Variants in LUZP2 observed in about 807,000 individuals in gnomAD.
LUZP2 encodes the protein leucine zipper protein 2.
In LUZP2, 52 loss-of-function variants were observed where a neutral mutation model predicts 51.6. The ratio of observed to expected loss-of-function variants is 1.01; its 90% CI spans 0.81 to 1.27. The LOEUF (loss-of-function observed/expected upper bound fraction) is 1.27. Ranked by LOEUF, LUZP2 falls within the 50% of genes most tolerant of loss-of-function variation. The pLI is 0.00. For missense variants in LUZP2, 436 were observed against 395.4 expected, an observed-to-expected ratio of 1.10 and a Z score of -0.87; for synonymous variants, 154 against 137.3, an observed-to-expected ratio of 1.12 and a Z score of -0.85.
chr11:24,731,875 G>A (rs899880464), intron 2 of LUZP2, among the ~76,000 whole-genome samples: 1 of 151,714 alleles, frequency 6.6e-6, no homozygotes, highest in African/African-American at 2.4e-5. Context: ...GATATTTGGA[G>A]AGTAGTTTCT....
chr11:24,832,989 G>T (rs17307215), intron 5 of LUZP2, among the ~76,000 whole-genome samples: 6,793 of 152,044 alleles, frequency 0.045, 211 homozygotes, highest in Non-Finnish European at 0.069. Flanking sequence ...GGGTACTTTT[G>T]GACTAATCAC....
At chr11:24,750,221 A>C (rs936586802) in intron 4 of LUZP2, among the ~76,000 whole-genome samples, 41 of 152,152 alleles carry the variant, frequency 2.7e-4, no homozygotes, top group Non-Finnish European at 4.4e-5. Context: ...ATACTGGGGC[A>C]TTTAATGAGA....
intron 5 of LUZP2, among the ~76,000 whole-genome samples, chr11:24,872,033 G>A (rs977472032): frequency 3.9e-5 from 6 of 151,904 alleles, no homozygotes; most frequent in African/African-American, 1.5e-4. Context: ...ATTCCCCTCT[G>A]TTTTCATCCC....
chr11:24,960,609 T>C (rs901941105), intron 7 of LUZP2, among the ~76,000 whole-genome samples: 1 of 152,126 alleles, frequency 6.6e-6, no homozygotes, highest in South Asian at 2.1e-4. Flanking sequence ...TTATCATTTT[T>C]TATTGTGTCT....
intron 1 of LUZP2, among the ~76,000 whole-genome samples, chr11:24,726,205 A>G (rs1459648274): frequency 6.6e-6 from 1 of 152,176 alleles, no homozygotes; most frequent in African/African-American, 2.4e-5. Context: ...TGAAAATATA[A>G]TCAATCTCTA....
At chr11:24,956,876 C>A (rs1179491988) in intron 7 of LUZP2, among the ~76,000 whole-genome samples, 2 of 151,910 alleles carry the variant, frequency 1.3e-5, no homozygotes, top group Non-Finnish European at 2.9e-5. Context: ...TGTGGTTTTT[C>A]CATATTTGAA....
intron 7 of LUZP2, among the ~76,000 whole-genome samples, chr11:24,930,567 T>C (rs530282371): frequency 9.2e-5 from 14 of 152,244 alleles, no homozygotes; most frequent in South Asian, 2.1e-4. Context: ...CCCTCCTAGG[T>C]TGTAGGGTTT....
intron 5 of LUZP2, among the ~76,000 whole-genome samples, chr11:24,830,682 T>C (rs1850672728): frequency 6.6e-6 from 1 of 152,192 alleles, no homozygotes; most frequent in South Asian, 2.1e-4. Flanking sequence ...GTGATTTTTT[T>C]AGAATCTTGC....
chr11:24,790,496 A>G (rs901099369), intron 5 of LUZP2, among the ~76,000 whole-genome samples: 5 of 150,668 alleles, frequency 3.3e-5, no homozygotes, highest in African/African-American at 1.2e-4. Flanking sequence ...CTTTATTTTT[A>G]TTTATTTATT....
intron 9 of LUZP2, among the ~76,000 whole-genome samples, chr11:24,995,866 T>C (rs1270433582): frequency 1.3e-5 from 2 of 152,002 alleles, no homozygotes; most frequent in African/African-American, 4.8e-5. Context: ...CAATTCCAAC[T>C]CTGATAAGGG....
intron 9 of LUZP2, among the ~76,000 whole-genome samples, chr11:25,037,024 C>T (rs781388667): frequency 2.0e-5 from 3 of 151,986 alleles, no homozygotes; most frequent in Non-Finnish European, 4.4e-5. Flanking sequence ...CTTTCTGCCT[C>T]GATGATCTGT....
chr11:24,684,496 G>C (rs1024017980), intron 1 of LUZP2, among the ~76,000 whole-genome samples: 1 of 152,150 alleles, frequency 6.6e-6, no homozygotes, highest in Non-Finnish European at 1.5e-5. Context: ...TTTTGTGGCT[G>C]TGGCAGATAA....
intron 9 of LUZP2, among the ~76,000 whole-genome samples, chr11:25,025,027 G>A (rs552833918): frequency 1.3e-5 from 2 of 151,842 alleles, no homozygotes; most frequent in Admixed American, 6.6e-5. Flanking sequence ...ACAAACCTGA[G>A]AAAAACAAGC....
chr11:24,848,278 A>T (rs774300560), intron 5 of LUZP2, among the ~76,000 whole-genome samples: 11 of 152,162 alleles, frequency 7.2e-5, no homozygotes, highest in Non-Finnish European at 2.9e-5. Context: ...CTCCTTAGAG[A>T]TATTTCTAGT....
In LUZP2 at chr11:24,607,341, CTTTTTTTTTTTTTTT is replaced by C. The variant is rs57741208; in HGVS notation, c.62+110051_62+110065del. On this transcript the variant is annotated intron_variant, in intron 1 of 11. Transcript: ENST00000336930. ...GTGGTATAAGATGGGGATATTATGT[CTTTTTTTTTTTTTTT>C]TTTTTTTTTTTTTTGCTTGTGGATA... Among the ~76,000 whole-genome samples the C allele has an allele frequency of 5.7e-4, 36 of 63,416 alleles. 1 individual carries two copies. Among genetic ancestry groups the C allele is most frequent in the African/African-American group, 1.7e-3 (31 of 18,240 alleles). 41.6% of individuals were successfully genotyped at this position (63,416 alleles called of 152,430 possible).
chr11:24,736,162 T>C (rs1360475087), intron 3 of LUZP2, among the ~76,000 whole-genome samples: 2 of 151,930 alleles, frequency 1.3e-5, no homozygotes, highest in East Asian at 1.9e-4. Context: ...ATGGGGGATT[T>C]TTTTGGAAGA....
At chr11:24,588,204 T>C (rs928364102) in intron 1 of LUZP2, among the ~76,000 whole-genome samples, 1 of 152,152 alleles carries the variant, frequency 6.6e-6, no homozygotes, top group Non-Finnish European at 1.5e-5. Context: ...ACTCAAAATT[T>C]ATCCCTTAGT....
At chr11:24,591,481 T>G (rs951516777) in intron 1 of LUZP2, among the ~76,000 whole-genome samples, 1 of 152,212 alleles carries the variant, frequency 6.6e-6, no homozygotes, top group Non-Finnish European at 1.5e-5. Context: ...TAATTGCTTT[T>G]TCTCTGCATT....
chr11:24,998,466 A>C (rs11028330), intron 9 of LUZP2, among the ~76,000 whole-genome samples: 59,819 of 151,692 alleles, frequency 0.39, 14,221 homozygotes, highest in East Asian at 0.78. Context: ...TTGTACATTG[A>C]TTTTGTATCC....
Sources: gnomAD v4.1 joint callset for allele counts (sites outside exome capture counted in the v4.1 genomes callset) on GRCh38, gnomAD v4.1.1 for gene constraint, MANE v1.5 for transcripts, NCBI Gene and HGNC (gene_info 2026-07-23, HGNC 2026-07-21) for gene names.